EYA3: variants seen among roughly 807,000 people sequenced by gnomAD.
EYA3 encodes the protein protein phosphatase EYA3.
Under a neutral mutation model 80.0 loss-of-function variants are expected in EYA3, and 39 were observed. The observed-to-expected ratio is 0.49, with a 90% confidence interval of 0.38 to 0.64. The LOEUF is 0.64. EYA3 is among the 30% of genes least tolerant of loss of function. EYA3 has a pLI of 0.00. For missense variants in EYA3, 523 were observed against 676.1 expected, an observed-to-expected ratio of 0.77 and a Z score of 2.51; for synonymous variants, 206 against 232.8, an observed-to-expected ratio of 0.88 and a Z score of 1.05.
Position 28,054,435 on chromosome 1 carries a change from A to G in EYA3, c.33+3559T>C, listed in dbSNP as rs540447937. Among the ~76,000 whole-genome samples, 3 of 152,326 alleles carry G rather than the reference A, an allele frequency of 2.0e-5. No homozygotes were observed. In the East Asian group the frequency reaches 5.8e-4, roughly 29 times the overall value. ...TAGCATACCTAAATTTTTCAAAAAGAGTTTATTCCCATATTTATAAGCAAG... is the reference window on the plus strand; with the variant it reads ...TAGCATACCTAAATTTTTCAAAAAGGGTTTATTCCCATATTTATAAGCAAG... On this transcript the variant is annotated intron_variant, in intron 2 of 17. Transcript: ENST00000373871.
intron 10 of EYA3, among the ~76,000 whole-genome samples, chr1:28,006,530 C>T (rs546331624): frequency 7.2e-5 from 11 of 152,068 alleles, no homozygotes; most frequent in African/African-American, 2.4e-4. Context: ...CATGGTGAAA[C>T]CCCATCTCTA....
At chr1:28,059,396 A>G (rs1376617560) in intron 1 of EYA3, among the ~76,000 whole-genome samples, 1 of 152,244 alleles carries the variant, frequency 6.6e-6, no homozygotes, top group Non-Finnish European at 1.5e-5. Context: ...GACACAGGTA[A>G]CTAGTGATAC....
intron 3 of EYA3, 87 bp from the exon 4 acceptor site, chr1:28,042,737 G>A (rs1643855451): frequency 9.8e-7 from 1 of 1,019,584 alleles, no homozygotes; most frequent in African/African-American, 1.6e-5. Flanking sequence ...TTCCTCCTAG[G>A]CTATATAAGT....
rs879392042 is a variant in EYA3, at chr1:27,974,283, CAGAGAGGGAGGG to C, written c.*171_*182del. 3,373 of 405,520 alleles carry C rather than the reference CAGAGAGGGAGGG, an allele frequency of 8.3e-3. 41 individuals are homozygous for C. Among genetic ancestry groups the C allele is most frequent in the African/African-American group, 0.046 (1,986 of 43,620 alleles). 25.1% of individuals were successfully genotyped at this position (405,520 alleles called of 1,614,324 possible). A position where few individuals can be genotyped will look rare whatever the true frequency, so the allele number is the denominator to read the frequency against. ...ACAGAGAGAGAGAGAGAGAGAGAGG[CAGAGAGGGAGGG>C]AGAGAGGAAGGGAGGGAGGGAGAGA... On this transcript the variant is annotated 3_prime_UTR_variant, in exon 18 of 18. Coordinates refer to ENST00000373871, the MANE Select transcript of EYA3 (RefSeq NM_001990.4).
intron 13 of EYA3, among the ~76,000 whole-genome samples, chr1:27,994,968 A>G (rs1640332508): frequency 6.7e-6 from 1 of 148,898 alleles, no homozygotes; most frequent in African/African-American, 2.4e-5. Context: ...TCTCTTTGGA[A>G]AAAAAAAAAA....
intron 3 of EYA3, among the ~76,000 whole-genome samples, chr1:28,047,920 T>C (rs1644085329): frequency 6.6e-6 from 1 of 152,184 alleles, no homozygotes; most frequent in Non-Finnish European, 1.5e-5. Flanking sequence ...ATTACAGGCG[T>C]GAGCGACCGT....
chr1:27,995,099 T>TC (rs1459246518), intron 13 of EYA3, among the ~76,000 whole-genome samples: 1 of 152,058 alleles, frequency 6.6e-6, no homozygotes, highest in East Asian at 1.9e-4. Flanking sequence ...CAATAGATTT[T>TC]CTAGATTTAA....
At chr1:27,985,088 C>CT (rs1467063629) in intron 16 of EYA3, among the ~76,000 whole-genome samples, 2 of 151,828 alleles carry the variant, frequency 1.3e-5, no homozygotes, top group Non-Finnish European at 2.9e-5. Flanking sequence ...ATTCTCAAGT[C>CT]TTTTTTTGAG....
intron 16 of EYA3, among the ~76,000 whole-genome samples, chr1:27,981,119 A>G (rs1210793030): frequency 1.3e-5 from 2 of 152,226 alleles, no homozygotes; most frequent in African/African-American, 4.8e-5. Context: ...ATGTCCCCAA[A>G]TCACAGAATG....
chr1:28,084,580 TATATATATATA>T (rs1645562370), intron 1 of EYA3, among the ~76,000 whole-genome samples: 1 of 15,838 alleles, frequency 6.3e-5, no homozygotes, highest in Non-Finnish European at 1.3e-4. Context: ...TATATATATA[TATATATATATA>T]TATATTTTTT....
intron 2 of EYA3, among the ~76,000 whole-genome samples, chr1:28,056,401 C>T (rs1644439046): frequency 6.6e-6 from 1 of 152,156 alleles, no homozygotes; most frequent in African/African-American, 2.4e-5. Flanking sequence ...CTCTTTTTTG[C>T]CTCCTGACCA....
At chr1:28,007,552 C>G (rs1229082278) in intron 10 of EYA3, among the ~76,000 whole-genome samples, 1 of 151,972 alleles carries the variant, frequency 6.6e-6, no homozygotes, top group Non-Finnish European at 1.5e-5. Flanking sequence ...TCAGGCCGGT[C>G]TTGAACTCCT....
At chr1:28,014,466 G>A (rs1470192445) in intron 8 of EYA3, among the ~76,000 whole-genome samples, 2 of 138,306 alleles carry the variant, frequency 1.4e-5, no homozygotes, top group East Asian at 2.3e-4. Flanking sequence ...GGGAGCTCAC[G>A]CCTATAATTC....
intron 16 of EYA3, among the ~76,000 whole-genome samples, chr1:27,986,807 A>T (rs979001036): frequency 6.6e-6 from 1 of 152,148 alleles, no homozygotes; most frequent in Non-Finnish European, 1.5e-5. Flanking sequence ...GGTTCAAGGG[A>T]TTCTCCTGCC....
chr1:28,023,781 G>A lies in EYA3; in HGVS notation c.499+4008C>T, dbSNP rs181638126. Among the ~76,000 whole-genome samples, 74 of 152,140 alleles carry A rather than the reference G, an allele frequency of 4.9e-4. 1 individual carries two copies. The highest frequency in any genetic ancestry group is 1.7e-3 in the African/African-American group (70 of 41,524). On this transcript the variant is annotated intron_variant, in intron 7 of 17. Transcript: ENST00000373871. The stretch of plus-strand genomic sequence containing the variant: ...AACACAGGAAATCTGAATAAACAAC[G>A]GACTTAGTTAATAATAACATACTAA...
At chr1:28,080,032 A>G (rs1645365367) in intron 1 of EYA3, among the ~76,000 whole-genome samples, 1 of 152,210 alleles carries the variant, frequency 6.6e-6, no homozygotes, top group African/African-American at 2.4e-5. Flanking sequence ...AACTACGGAA[A>G]CTAAAGAAAA....
At chr1:27,976,298 A>G (rs1363525836) in intron 17 of EYA3, among the ~76,000 whole-genome samples, 1 of 151,492 alleles carries the variant, frequency 6.6e-6, no homozygotes, top group Non-Finnish European at 1.5e-5. Context: ...TGTCTCTACT[A>G]AAAGTACAAA....
rs1221707917 is a variant in EYA3 at position 27,974,345 on chromosome 1, G to GAGAGAGAT, written c.*113_*120dup. On this transcript the variant is annotated 3_prime_UTR_variant, in exon 18 of 18. Transcript: ENST00000373871. ...AGGGAGAGAGAGAAAGAGAGAAAGAGAGAGAGATAGAGACAGAGACACAGA... is the reference window on the plus strand; with the variant it reads ...AGGGAGAGAGAGAAAGAGAGAAAGAGAGAGAGATAGAGAGATAGAGACAGAGACACAGA... The GAGAGAGAT allele has an allele frequency of 4.7e-5, 29 of 613,422 alleles. No individual in the cohort carries two copies. In the African/African-American group the frequency reaches 4.9e-4, roughly 10 times the overall value. The allele number at this position is 613,422 out of a possible 1,614,324, so 38.0% of individuals were successfully genotyped here.
chr1:28,004,413 A>T lies in EYA3; in HGVS notation c.916T>A (p.Phe306Ile), dbSNP rs1171095382. The change falls in exon 11 of 18, where the codon TTT becomes ATT. Residue 306 changes from phenylalanine (F) to isoleucine (I), a missense_variant. Phe to Ile is a conservative substitution (Grantham distance 21). Transcript: ENST00000373871. ...ATGGTTTCATCCAAGTCCCACAGAA[A>T]TACCCGCTGAGGAAAGAAAATATAA... is the stretch of plus-strand genomic sequence containing the variant. Reference protein sequence around the residue: ...SSQDSELERVFLWDLDETIII... With the variant: ...SSQDSELERVILWDLDETIII... The T allele has an allele frequency of 6.2e-7, 1 of 1,608,004 alleles. No individual in the cohort carries two copies. Among genetic ancestry groups the T allele is most frequent in the Admixed American group, 1.7e-5 (1 of 59,936 alleles).
Sources: gnomAD v4.1 joint callset for allele counts (sites outside exome capture counted in the v4.1 genomes callset) on GRCh38, gnomAD v4.1.1 for gene constraint, MANE v1.5 for transcripts, NCBI Gene and HGNC (gene_info 2026-07-23, HGNC 2026-07-21) for gene names.